Variants in HSDL2 observed in about 807,000 individuals in gnomAD.
HSDL2 encodes the protein hydroxysteroid dehydrogenase-like protein 2.
HSDL2 carries 27 observed loss-of-function variants against 46.3 expected under a neutral mutation model. That is an observed-to-expected ratio of 0.58 (90% confidence interval 0.43 to 0.80). The LOEUF (loss-of-function observed/expected upper bound fraction) is 0.80, where lower values mean the gene tolerates loss of function less well. Among genes scored for constraint, HSDL2 ranks in the 30% least tolerant of loss-of-function variants. The pLI, the probability that HSDL2 is intolerant of heterozygous loss-of-function variation, is 0.00. For synonymous variants in HSDL2, 153 were observed against 163.6 expected, an observed-to-expected ratio of 0.94 and a Z score of 0.50; for missense variants, 451 against 502.7, an observed-to-expected ratio of 0.90 and a Z score of 0.98.
chr9:112,385,189 C>T (rs2132589073), intron 1 of HSDL2, among the ~76,000 whole-genome samples: 1 of 152,134 alleles, frequency 6.6e-6, no homozygotes, highest in East Asian at 1.9e-4. Flanking sequence ...GATAGTTTTT[C>T]ACATACATAG....
rs190648997 is a variant in HSDL2, at chr9:112,415,240, T to C, written c.396-1601T>C. Among the ~76,000 whole-genome samples, 3 of 152,334 alleles carry C rather than the reference T, an allele frequency of 2.0e-5. No individual in the cohort carries two copies. The East Asian group carries it at 5.8e-4, about 29-fold the overall frequency. On this transcript the variant is annotated intron_variant, in intron 4 of 10. Coordinates refer to ENST00000398805, the MANE Select transcript of HSDL2 (RefSeq NM_032303.5). ...AAATTTGGGAATGTAATGAGAGTTATATTACTAAATTACAGTTCCAATGTA... is the reference window on the plus strand; with the variant it reads ...AAATTTGGGAATGTAATGAGAGTTACATTACTAAATTACAGTTCCAATGTA...
At chr9:112,464,966 A>G (rs973852185) in intron 10 of HSDL2, among the ~76,000 whole-genome samples, 1 of 152,188 alleles carries the variant, frequency 6.6e-6, no homozygotes, top group African/African-American at 2.4e-5. Flanking sequence ...GGTTTTCCCT[A>G]TTCTGACTTT....
intron 6 of HSDL2, among the ~76,000 whole-genome samples, chr9:112,419,700 C>G (rs1218810856): frequency 6.6e-6 from 1 of 152,142 alleles, no homozygotes; most frequent in Non-Finnish European, 1.5e-5. Flanking sequence ...TTAGAAAAAG[C>G]TGGATTATCT....
At chr9:112,403,863 G>A in intron 1 of HSDL2, 132 bp from the exon 2 acceptor site, 1 of 805,558 alleles carries the variant, frequency 1.2e-6, no homozygotes, top group Non-Finnish European at 2.0e-6. Flanking sequence ...CCATCAGATG[G>A]GCATGGGGAG....
chr9:112,470,132 C>T (rs2132724289), intron 10 of HSDL2, among the ~76,000 whole-genome samples: 1 of 152,212 alleles, frequency 6.6e-6, no homozygotes, highest in East Asian at 1.9e-4. Context: ...ATTTGTTTAC[C>T]AGAATTCATT....
chr9:112,468,076 TG>T (rs1833446212), intron 10 of HSDL2, among the ~76,000 whole-genome samples: 1 of 152,180 alleles, frequency 6.6e-6, no homozygotes, highest in Admixed American at 6.5e-5. Flanking sequence ...ATTTCCAGGT[TG>T]CAATTCATTT....
At chr9:112,382,175 C>T (rs7026373) in intron 1 of HSDL2, among the ~76,000 whole-genome samples, 2,248 of 152,282 alleles carry the variant, frequency 0.015, 57 homozygotes, top group African/African-American at 0.051. Flanking sequence ...GCAGGAGAAC[C>T]GCTTGAACCT....
chr9:112,385,198 A>G (rs1393796242), intron 1 of HSDL2, among the ~76,000 whole-genome samples: 2 of 152,348 alleles, frequency 1.3e-5, no homozygotes, highest in East Asian at 1.9e-4. Context: ...TCACATACAT[A>G]GAGTGTTTTA....
intron 10 of HSDL2, among the ~76,000 whole-genome samples, chr9:112,470,142 T>G (rs1281461373): frequency 2.0e-5 from 3 of 152,220 alleles, no homozygotes; most frequent in Non-Finnish European, 4.4e-5. Flanking sequence ...CAGAATTCAT[T>G]TGAGGGCCGT....
chr9:112,423,347 T>C (rs977732282), intron 6 of HSDL2, among the ~76,000 whole-genome samples: 1 of 152,214 alleles, frequency 6.6e-6, no homozygotes, highest in Non-Finnish European at 1.5e-5. Flanking sequence ...ATTCTTTTCT[T>C]TTCTTTTTTT....
intron 6 of HSDL2, among the ~76,000 whole-genome samples, chr9:112,426,624 GCCAA>G (rs1244266150): frequency 6.6e-6 from 1 of 152,134 alleles, no homozygotes; most frequent in Non-Finnish European, 1.5e-5. Flanking sequence ...TCTCTTTGGG[GCCAA>G]CTGGGAGAAA....
intron 10 of HSDL2, among the ~76,000 whole-genome samples, chr9:112,467,559 G>A (rs968375289): frequency 1.1e-4 from 17 of 152,052 alleles, no homozygotes; most frequent in African/African-American, 4.1e-4. Context: ...TTCTTATAAG[G>A]GCACTAATCC....
intron 1 of HSDL2, among the ~76,000 whole-genome samples, chr9:112,396,958 T>G (rs62569975): frequency 0.14 from 21,375 of 152,102 alleles, 1,860 homozygotes; most frequent in East Asian, 0.21. Flanking sequence ...TATTGGGGCC[T>G]GAGACTGGCC....
chr9:112,450,378 C>T lies in HSDL2; in HGVS notation c.866-3635C>T, dbSNP rs1020775888. On this transcript the variant is annotated intron_variant, in intron 8 of 10. Transcript: ENST00000398805. ...GGTGCCGTGGCTCATGCCTGTAATC[C>T]CAGCATTTTGGGAGGCTGAGGCGAG... is the stretch of plus-strand genomic sequence containing the variant. Among the ~76,000 whole-genome samples the T allele has an allele frequency of 2.0e-5, 3 of 151,826 alleles. No homozygotes were observed. The South Asian group carries it at 6.2e-4, about 32-fold the overall frequency.
chr9:112,419,132 C>G (rs1832062556), intron 6 of HSDL2, among the ~76,000 whole-genome samples, 174 bp downstream of exon 6: 1 of 151,890 alleles, frequency 6.6e-6, no homozygotes, highest in Non-Finnish European at 1.5e-5. Context: ...CCTCAGCCTC[C>G]CAAGCAGCTG....
chr9:112,432,360 T>A (rs1248957643), intron 6 of HSDL2, among the ~76,000 whole-genome samples: 1 of 152,248 alleles, frequency 6.6e-6, no homozygotes, highest in Non-Finnish European at 1.5e-5. Context: ...TTGTTCAGTG[T>A]CTTCTTTGCT....
At chr9:112,384,146 G>GT (rs1352452502) in intron 1 of HSDL2, among the ~76,000 whole-genome samples, 1 of 152,074 alleles carries the variant, frequency 6.6e-6, no homozygotes, top group African/African-American at 2.4e-5. Context: ...AATTTGTATA[G>GT]TTTTTTGGAA....
At chr9:112,398,091 C>T (rs548460677) in intron 1 of HSDL2, among the ~76,000 whole-genome samples, 3 of 147,784 alleles carry the variant, frequency 2.0e-5, no homozygotes, top group Non-Finnish European at 3.0e-5. Flanking sequence ...TTGAGGAGGT[C>T]GGACTGGTAT....
chr9:112,453,595 G>A (rs1232711124), intron 8 of HSDL2, among the ~76,000 whole-genome samples: 1 of 151,948 alleles, frequency 6.6e-6, no homozygotes, highest in African/African-American at 2.4e-5. Flanking sequence ...GTTTCTCCAT[G>A]TTGCCCAGGC....
Sources: allele counts gnomAD v4.1 joint callset (sites outside exome capture counted in the v4.1 genomes callset), GRCh38; gene constraint gnomAD v4.1.1; transcripts MANE v1.5; gene names NCBI Gene and HGNC (gene_info 2026-07-23, HGNC 2026-07-21).